LAMP2: variants seen among roughly 807,000 people sequenced by gnomAD.
LAMP2 encodes the protein lysosome-associated membrane glycoprotein 2.
Under a neutral mutation model 25.6 loss-of-function variants are expected in LAMP2, and 4 were observed. That is an observed-to-expected ratio of 0.16 (90% CI 0.08 to 0.36). The LOEUF (loss-of-function observed/expected upper bound fraction) is 0.36, where lower values mean the gene tolerates loss of function less well. Among genes scored for constraint, LAMP2 ranks in the 10% least tolerant of loss-of-function variants. The pLI, the probability that LAMP2 is intolerant of heterozygous loss-of-function variation, is 1.00. For synonymous variants in LAMP2, 108 were observed against 112.7 expected (o/e 0.96, Z 0.27); for missense variants, 272 against 301.4 (o/e 0.90, Z 0.72).
intron 1 of LAMP2, among the ~76,000 whole-genome samples, chrX:120,461,334 T>G (rs2147290074): frequency 8.9e-6 from 1 of 112,129 alleles, no homozygotes; most frequent in Admixed American, 9.5e-5. Context: ...CAGTATATTT[T>G]ACATTATCCT....
chrX:120,438,928 A>G, intron 8 of LAMP2: 1 of 993,607 alleles, frequency 1.0e-6, no homozygotes, highest in Non-Finnish European at 1.3e-6. Context: ...GTGATTTTGC[A>G]CATCTTTTGC....
At chrX:120,457,180 T>C (rs1921130488) in intron 1 of LAMP2, among the ~76,000 whole-genome samples, 2 of 111,623 alleles carry the variant, frequency 1.8e-5, no homozygotes, top group African/African-American at 3.3e-5. Context: ...TTAGGACTTG[T>C]GGTTTTTGCG....
At chrX:120,452,897 G>A (rs2058628623) in intron 3 of LAMP2, among the ~76,000 whole-genome samples, 1 of 110,139 alleles carries the variant, frequency 9.1e-6, no homozygotes, top group South Asian at 3.8e-4. Context: ...TATGGGTTCA[G>A]GGACTATGTT....
chrX:120,428,473 G>T lies in LAMP2; in HGVS notation c.*2850C>A. Reference sequence around the variant, plus strand: ...AATTGAAAAAAACAAACAAACACTAGATTTAACTGATTACACAGACTGATA... The same window carrying T: ...AATTGAAAAAAACAAACAAACACTATATTTAACTGATTACACAGACTGATA... On this transcript the variant is annotated 3_prime_UTR_variant, in exon 9 of 9. Coordinates refer to ENST00000200639, the MANE Select transcript of LAMP2 (RefSeq NM_002294.3). 1 of 1,157,535 alleles carries T rather than the reference G, an allele frequency of 8.6e-7. No individual in the cohort carries two copies.
At chrX:120,439,070 A>G (rs1367416784) in intron 8 of LAMP2, 4 of 1,198,997 alleles carry the variant, frequency 3.3e-6, no homozygotes, top group Non-Finnish European at 3.4e-6. Flanking sequence ...CTGCAACTAA[A>G]TATACCTTAA....
rs1410148476 is a variant in LAMP2 at position 120,429,359 on chromosome X, T to G, written c.*1964A>C. The G allele has an allele frequency of 3.2e-6, 2 of 629,944 alleles. No individual in the cohort carries two copies. Among genetic ancestry groups the G allele is most frequent in the Non-Finnish European group, 3.8e-6 (2 of 530,112 alleles). The allele number at this position is 629,944 out of a possible 1,213,427, so 51.9% of individuals were successfully genotyped here. A position where few individuals can be genotyped will look rare whatever the true frequency, so the allele number is the denominator to read the frequency against. On this transcript the variant is annotated 3_prime_UTR_variant, in exon 9 of 9. Transcript: ENST00000200639. ...TCCTTCCAGTACTAGCCAAAGGACC[T>G]TGGGCAAGTTATTTAAACTGGGCCT... is the stretch of plus-strand genomic sequence containing the variant.
At position 120,447,946 on chromosome X, in the gene LAMP2, A is replaced by G. The variant is rs1474379051; in HGVS notation, c.636T>C (p.Pro212=). Residue 212 remains proline, a synonymous_variant, in exon 5 of 9, where the codon CCT becomes CCC. Coordinates refer to ENST00000200639, the MANE Select transcript of LAMP2 (RefSeq NM_002294.3). ...CAGCTTCTGGTTTTTCCTTTGGAGT[A>G]GGTGTTGTAGTAGGAGATGGCACAG... ...HTTVPSPTTT[P]TPKEKPEAGT... The G allele has an allele frequency of 1.7e-6, 2 of 1,207,753 alleles. No individual in the cohort carries two copies. Among genetic ancestry groups the G allele is most frequent in the Non-Finnish European group, 2.2e-6 (2 of 893,466 alleles).
chrX:120,446,708 T>C (rs965156610), intron 5 of LAMP2, among the ~76,000 whole-genome samples: 1 of 111,177 alleles, frequency 9.0e-6, no homozygotes, highest in Admixed American at 9.6e-5. Context: ...GCCTCGCTTG[T>C]TTAAGTCACA....
intron 1 of LAMP2, among the ~76,000 whole-genome samples, chrX:120,459,406 A>C (rs1009564341): frequency 8.9e-6 from 1 of 112,299 alleles, no homozygotes; most frequent in Non-Finnish European, 1.9e-5. Context: ...AAAGGTATCC[A>C]CCCCACACTT....
intron 8 of LAMP2, chrX:120,438,241 A>G: frequency 2.7e-6 from 2 of 745,017 alleles, no homozygotes; most frequent in Non-Finnish European, 3.2e-6. Flanking sequence ...AAAAGAAAAT[A>G]ATAAAATACA....
chrX:120,435,102 C>T (rs778950761), intron 8 of LAMP2, among the ~76,000 whole-genome samples: 47 of 112,006 alleles, frequency 4.2e-4, no homozygotes, highest in Admixed American at 1.0e-3. Flanking sequence ...TATACACACC[C>T]AAGCCTGGGC....
At chrX:120,452,736 T>C (rs765153247) in intron 3 of LAMP2, among the ~76,000 whole-genome samples, 3 of 75,720 alleles carry the variant, frequency 4.0e-5, no homozygotes, top group African/African-American at 1.8e-4. Context: ...TTTTTTTTTG[T>C]AGAGACAAAG....
intron 4 of LAMP2, 95 bp downstream of exon 4, chrX:120,448,875 T>C (rs2058609432): frequency 1.3e-6 from 1 of 793,085 alleles, no homozygotes; most frequent in Non-Finnish European, 1.9e-6. Flanking sequence ...AACCTTAATA[T>C]ATAAATGCTT....
Position 120,438,764 on chromosome X carries a change from G to A in LAMP2, c.1093+2966C>T, listed in dbSNP as rs900398479. 10 of 809,570 alleles carry A rather than the reference G, an allele frequency of 1.2e-5. No homozygotes were observed. In the Admixed American group the frequency reaches 2.9e-4, roughly 23 times the overall value. 66.7% of individuals were successfully genotyped at this position (809,570 alleles called of 1,213,427 possible). On this transcript the variant is annotated intron_variant, in intron 8 of 8. Transcript: ENST00000200639. Reference sequence around the variant, plus strand: ...GCAAAAGGAGCAAGTACAAATCCACGGTAGAACATGTTGTTCCAACTCAAC... The same window carrying A: ...GCAAAAGGAGCAAGTACAAATCCACAGTAGAACATGTTGTTCCAACTCAAC...
Position 120,456,736 on chromosome X carries a change from A to C in LAMP2, c.98T>G (p.Leu33Trp). Residue 33 changes from leucine to tryptophan, a missense_variant, in exon 2 of 9, where the codon TTG (leucine) becomes TGG (tryptophan). Transcript: ENST00000200639. ...AVRSYALELN[L>W]TDSENATCLY... ...GCAAGTGGCATTTTCTGAATCTGTCAAATTAAGTTCCAATGCATAAGACCG... is the reference window on the plus strand; with the variant it reads ...GCAAGTGGCATTTTCTGAATCTGTCCAATTAAGTTCCAATGCATAAGACCG... 8.4e-7 allele frequency: 1 copy of C among 1,184,164 alleles called. No individual in the cohort carries two copies. The highest frequency in any genetic ancestry group is 2.9e-4 in the Middle Eastern group (1 of 3,500).
At chrX:120,440,098 T>C (rs1319352550) in intron 8 of LAMP2, among the ~76,000 whole-genome samples, 1 of 112,423 alleles carries the variant, frequency 8.9e-6, no homozygotes, top group Non-Finnish European at 1.9e-5. Flanking sequence ...CATCTGTTTA[T>C]GTGTTGCTGT....
chrX:120,426,361 G>A lies in LAMP2; in HGVS notation c.*4962C>T, dbSNP rs1036703651. ...TGTTTACATTCACCAGTTCAAAGTC[G>A]TACTGTCTGATCCACTGTTGTATTG... is the stretch of plus-strand genomic sequence containing the variant. On this transcript the variant is annotated 3_prime_UTR_variant, in exon 9 of 9. Coordinates refer to ENST00000200639, the MANE Select transcript of LAMP2 (RefSeq NM_002294.3). Among the ~76,000 whole-genome samples, 7 of 108,060 alleles carry A rather than the reference G, an allele frequency of 6.5e-5. No individual in the cohort carries two copies. The highest frequency in any genetic ancestry group is 2.4e-4 in the African/African-American group (7 of 29,643). The allele number at this position is 108,060 out of a possible 115,157, so 93.8% of individuals were successfully genotyped here. A position where few individuals can be genotyped will look rare whatever the true frequency, so the allele number is the denominator to read the frequency against.
chrX:120,436,168 ACACTCT>A (rs1200470667), intron 8 of LAMP2, among the ~76,000 whole-genome samples: 21 of 79,742 alleles, frequency 2.6e-4, no homozygotes, highest in African/African-American at 7.2e-4. Flanking sequence ...ACACACACAC[ACACTCT>A]CTCTCTCTCT....
chrX:120,466,542 C>T (rs1019912128), intron 1 of LAMP2, among the ~76,000 whole-genome samples: 2 of 111,496 alleles, frequency 1.8e-5, no homozygotes, highest in Admixed American at 9.5e-5. Context: ...GCCTCAAGGC[C>T]GCCTTTCAGA....
Sources: allele counts gnomAD v4.1 joint callset (sites outside exome capture counted in the v4.1 genomes callset), GRCh38; gene constraint gnomAD v4.1.1; transcripts MANE v1.5; gene names NCBI Gene and HGNC (gene_info 2026-07-23, HGNC 2026-07-21).